The following PTPRD variants were observed in gnomAD, a reference collection of about 807,000 sequenced individuals.
PTPRD encodes the protein receptor-type tyrosine-protein phosphatase delta.
PTPRD carries 34 observed loss-of-function variants against 214.5 expected under a neutral mutation model. The observed-to-expected ratio is 0.16, with a 90% CI of 0.12 to 0.21. PTPRD has a LOEUF of 0.21. Ranked by LOEUF, PTPRD falls within the 10% of genes least tolerant of loss-of-function variation. The probability of loss-of-function intolerance (pLI) is 1.00; values close to 1 mark genes in which losing one functional copy is unlikely to be tolerated. For synonymous variants in PTPRD, 1,128 were observed against 845.7 expected (o/e 1.33, Z -5.79); for missense variants, 2,545 against 2,398.7 (o/e 1.06, Z -1.27).
intron 3 of PTPRD, among the ~76,000 whole-genome samples, chr9:10,209,567 C>A (rs1190612160): frequency 1.3e-5 from 2 of 152,060 alleles, no homozygotes. Flanking sequence ...ACAGTTGATC[C>A]TTAGTCCCTA....
intron 5 of PTPRD, among the ~76,000 whole-genome samples, chr9:9,865,248 C>T (rs1398220120): frequency 6.6e-6 from 1 of 152,162 alleles, no homozygotes; most frequent in Admixed American, 6.5e-5. Flanking sequence ...TTAAACGTCC[C>T]TTCCAAAAGT....
chr9:8,580,265 T>C (rs1278755634), intron 14 of PTPRD, among the ~76,000 whole-genome samples: 2 of 152,028 alleles, frequency 1.3e-5, no homozygotes, highest in African/African-American at 4.8e-5. Context: ...GGGAGATAAC[T>C]GACAAACCAA....
At chr9:8,814,217 T>C (rs887992079) in intron 11 of PTPRD, among the ~76,000 whole-genome samples, 1 of 152,212 alleles carries the variant, frequency 6.6e-6, no homozygotes, top group Non-Finnish European at 1.5e-5. Context: ...ATGCCCTCCC[T>C]ATAGCCAGAA....
chr9:10,134,767 T>A (rs1250373555), intron 3 of PTPRD, among the ~76,000 whole-genome samples: 1 of 152,064 alleles, frequency 6.6e-6, no homozygotes, highest in Non-Finnish European at 1.5e-5. Context: ...AGCATCCTTC[T>A]CAGATGAGGA....
intron 2 of PTPRD, among the ~76,000 whole-genome samples, chr9:10,355,266 T>C (rs1398277175): frequency 1.3e-5 from 2 of 152,154 alleles, no homozygotes; most frequent in Admixed American, 6.5e-5. Context: ...CTTGGGATAT[T>C]AGCAAGCAAG....
intron 7 of PTPRD, among the ~76,000 whole-genome samples, chr9:9,598,087 G>A (rs1471780107): frequency 6.6e-6 from 1 of 151,958 alleles, no homozygotes; most frequent in Non-Finnish European, 1.5e-5. Flanking sequence ...CACACAGTTA[G>A]TACATTTGTA....
At chr9:8,341,291 AAG>A in intron 40 of PTPRD, 23 bp from the exon 41 acceptor site, 1 of 1,555,382 alleles carries the variant, frequency 6.4e-7, no homozygotes, top group Non-Finnish European at 8.7e-7. Context: ...AAAAAAAAAA[AAG>A]GAAAAACCCA....
intron 3 of PTPRD, among the ~76,000 whole-genome samples, chr9:10,168,166 T>C (rs552330201): frequency 1.3e-5 from 2 of 152,336 alleles, no homozygotes; most frequent in Non-Finnish European, 2.9e-5. Flanking sequence ...TATATGAAAA[T>C]TGCATTGTAG....
intron 2 of PTPRD, among the ~76,000 whole-genome samples, chr9:10,556,081 T>A (rs1000579523): frequency 1.3e-5 from 2 of 152,174 alleles, no homozygotes; most frequent in Non-Finnish European, 2.9e-5. Context: ...CTGTTTTTTA[T>A]ACTTCTGAGG....
intron 11 of PTPRD, among the ~76,000 whole-genome samples, chr9:8,849,063 G>C (rs1054904289): frequency 5.9e-5 from 9 of 151,638 alleles, no homozygotes; most frequent in African/African-American, 2.2e-4. Context: ...TCCCCATAAA[G>C]GAATTTTAAT....
At chr9:10,461,771 A>G (rs993589964) in intron 2 of PTPRD, among the ~76,000 whole-genome samples, 4 of 151,902 alleles carry the variant, frequency 2.6e-5, no homozygotes, top group African/African-American at 7.3e-5. Flanking sequence ...TACAGGCGTG[A>G]GCCTCCAGGC....
chr9:9,562,438 T>C (rs1339894954), intron 8 of PTPRD, among the ~76,000 whole-genome samples: 1 of 152,194 alleles, frequency 6.6e-6, no homozygotes, highest in Non-Finnish European at 1.5e-5. Context: ...ACAGAGATAA[T>C]TACCTTAGTA....
intron 12 of PTPRD, among the ~76,000 whole-genome samples, chr9:8,650,027 C>G (rs1305609592): frequency 1.3e-5 from 2 of 152,204 alleles, no homozygotes; most frequent in East Asian, 3.9e-4. Context: ...AAGCCATCCT[C>G]CCAGCTCAAA....
chr9:9,058,445 T>TTTTTTTG (rs2099700525), intron 10 of PTPRD, among the ~76,000 whole-genome samples: 1 of 27,312 alleles, frequency 3.7e-5, no homozygotes, highest in African/African-American at 2.6e-4. Flanking sequence ...TATGAGGGTT[T>TTTTTTTG]TTTTTTTTTT....
intron 9 of PTPRD, among the ~76,000 whole-genome samples, chr9:9,376,739 G>T (rs1015696670): frequency 3.3e-5 from 5 of 151,912 alleles, no homozygotes; most frequent in Non-Finnish European, 7.4e-5. Context: ...GAACCCCTCG[G>T]GTCTCTTATT....
chr9:9,999,175 C>A (rs540231302), intron 4 of PTPRD, among the ~76,000 whole-genome samples: 2 of 152,194 alleles, frequency 1.3e-5, no homozygotes, highest in African/African-American at 2.4e-5. Flanking sequence ...TTCTTCCCTA[C>A]GCTCGGGCTG....
intron 2 of PTPRD, among the ~76,000 whole-genome samples, chr9:10,393,049 C>T (rs1488707236): frequency 6.6e-6 from 1 of 151,772 alleles, no homozygotes; most frequent in Admixed American, 6.6e-5. Flanking sequence ...AATACTCTTA[C>T]CCTGAACTCC....
chr9:8,465,519 T>C lies in PTPRD; in HGVS notation c.3661A>G (p.Ser1221Gly). 6.2e-7 allele frequency: 1 copy of C among 1,612,646 alleles called. No individual in the cohort carries two copies. Among genetic ancestry groups the C allele is most frequent in the East Asian group, 2.2e-5 (1 of 44,830 alleles). ...YGGFTNKQLQ[S>G]GQEYVFFVLA... ...ACAAAGAAGACATATTCTTGACCAC[T>C]TTGGAGTTGCTTGTTTGTAAATCCA... Residue 1221 changes from serine (S) to glycine (G), a missense_variant, in exon 32 of 46, where the codon AGT becomes GGT. Ser to Gly is a moderately conservative substitution (Grantham distance 56). Transcript: ENST00000381196.
At chr9:9,211,515 G>GCACACACACACA (rs36213005) in intron 9 of PTPRD, among the ~76,000 whole-genome samples, 21 of 143,656 alleles carry the variant, frequency 1.5e-4, no homozygotes, top group South Asian at 4.6e-4. Context: ...GTGTGCGCAC[G>GCACACACACACA]CACACACACA....
Sources: allele counts gnomAD v4.1 joint callset (sites outside exome capture counted in the v4.1 genomes callset), GRCh38; gene constraint gnomAD v4.1.1; transcripts MANE v1.5; gene names NCBI Gene and HGNC (gene_info 2026-07-23, HGNC 2026-07-21).